The following ZBED6 variants were observed in gnomAD, a reference collection of about 807,000 sequenced individuals.
ZBED6 encodes zinc finger BED domain-containing protein 6.
In ZBED6, 40 loss-of-function variants were observed where a neutral mutation model predicts 58.4. The ratio of observed to expected loss-of-function variants is 0.68; its 90% CI spans 0.53 to 0.89. The LOEUF is 0.89. Ranked by LOEUF, ZBED6 falls within the 40% of genes least tolerant of loss-of-function variation. ZBED6 has a pLI of 0.00. For missense variants in ZBED6, 1,057 were observed against 1,003.9 expected, an observed-to-expected ratio of 1.05 and a Z score of -0.71; for synonymous variants, 439 against 350.6, an observed-to-expected ratio of 1.25 and a Z score of -2.82.
chr1:203,850,617 C>T (rs1486862882), exon 15 of ZBED6: 1 of 1,614,156 alleles, frequency 6.2e-7, no homozygotes, highest in South Asian at 1.1e-5. Flanking sequence ...GCTGTCATTG[C>T]CGCTGTGAAG....
At chr1:203,847,763 G>C in intron 12 of ZBED6, 76 bp downstream of exon 12, 1 of 1,534,650 alleles carries the variant, frequency 6.5e-7, no homozygotes, top group Non-Finnish European at 8.7e-7. Context: ...GATCTTCCTA[G>C]GAGTTGTTTG....
chr1:203,817,159 C>A, intron 2 of ZBED6, 35 bp downstream of exon 2: 1 of 1,536,268 alleles, frequency 6.5e-7, no homozygotes, highest in Non-Finnish European at 8.9e-7. Context: ...GTTCTTTCTA[C>A]AATTTGCTTA....
At position 203,852,130 on chromosome 1, in the gene ZBED6, T is replaced by C; in HGVS notation, c.*4874-11T>C. 1 of 1,613,286 alleles carries C rather than the reference T, an allele frequency of 6.2e-7. No homozygotes were observed. Among genetic ancestry groups the C allele is most frequent in the Non-Finnish European group, 8.5e-7 (1 of 1,179,760 alleles). On this transcript the variant is annotated splice_polypyrimidine_tract_variant and intron_variant, in intron 16 of 16. Coordinates refer to ENST00000550078, the Ensembl canonical transcript of ZBED6. Reference sequence around the variant, plus strand: ...AACGGCAGTTTTCTAATAATCTTTTTTTTCTTACAGTCTTGTGCTGCCTCC... The same window carrying C: ...AACGGCAGTTTTCTAATAATCTTTTCTTTCTTACAGTCTTGTGCTGCCTCC...
intron 1 of ZBED6, among the ~76,000 whole-genome samples, chr1:203,809,012 T>G (rs541026319): frequency 3.6e-4 from 55 of 151,888 alleles, no homozygotes; most frequent in Non-Finnish European, 1.2e-4. Context: ...GTATTTTTAG[T>G]AGAGACAGGA....
At chr1:203,837,101 C>T (rs548800368) in intron 9 of ZBED6, among the ~76,000 whole-genome samples, 1 of 152,068 alleles carries the variant, frequency 6.6e-6, no homozygotes, top group East Asian at 1.9e-4. Flanking sequence ...TCAAGACCAG[C>T]CTGGGCAACA....
At chr1:203,831,859 T>C (rs1682493533) in intron 8 of ZBED6, 88 bp downstream of exon 8, 1 of 1,116,248 alleles carries the variant, frequency 9.0e-7, no homozygotes, top group Non-Finnish European at 1.3e-6. Context: ...TTACCTTTGA[T>C]GAATTTTCAG....
chr1:203,805,423 G>A (rs575462646), intron 1 of ZBED6, among the ~76,000 whole-genome samples: 3 of 152,140 alleles, frequency 2.0e-5, no homozygotes, highest in Admixed American at 6.5e-5. Context: ...GAGCCACCGC[G>A]CCCTGCCAGA....
At chr1:203,847,992 G>A (rs925735108) in intron 12 of ZBED6, among the ~76,000 whole-genome samples, 5 of 152,036 alleles carry the variant, frequency 3.3e-5, no homozygotes, top group Non-Finnish European at 5.9e-5. Context: ...AGTAGCTGGG[G>A]CTACAGACAT....
chr1:203,838,353 A>G (rs887881301), intron 10 of ZBED6, among the ~76,000 whole-genome samples: 10 of 152,242 alleles, frequency 6.6e-5, no homozygotes, highest in Non-Finnish European at 1.3e-4. Context: ...TGTTATGGTA[A>G]CACATAGGAG....
intron 1 of ZBED6, among the ~76,000 whole-genome samples, chr1:203,812,277 CCTT>C (rs1674741210): frequency 6.6e-6 from 1 of 152,156 alleles, no homozygotes; most frequent in African/African-American, 2.4e-5. Context: ...CCTCCTCCCA[CCTT>C]CTACCTTCTG....
intron 3 of ZBED6, among the ~76,000 whole-genome samples, chr1:203,825,628 G>A (rs1680290298): frequency 6.6e-6 from 1 of 151,964 alleles, no homozygotes; most frequent in South Asian, 2.1e-4. Flanking sequence ...TAGAGACGGG[G>A]TTTCACCATA....
Position 203,800,274 on chromosome 1 carries a change from A to T in ZBED6, c.2752A>T (p.Ile918Phe), listed in dbSNP as rs1008931524. Residue 918 changes from isoleucine to phenylalanine, a missense_variant, in exon 1 of 17, where the codon ATC becomes TTC. Transcript: ENST00000550078. ...CATGTGTAGTTGGCAATCTGAATGT[A>T]TCTTTACTAAAAATAGCCACTTTCA... 4 of 1,026,070 alleles carry T rather than the reference A, an allele frequency of 3.9e-6. No individual in the cohort carries two copies. In the African/African-American group the frequency reaches 6.3e-5, roughly 16 times the overall value. The allele number at this position is 1,026,070 out of a possible 1,614,324, so 63.6% of individuals were successfully genotyped here.
intron 9 of ZBED6, among the ~76,000 whole-genome samples, chr1:203,834,889 C>T (rs1261221312): frequency 6.6e-6 from 1 of 152,224 alleles, no homozygotes; most frequent in African/African-American, 2.4e-5. Context: ...GGTGATCCAC[C>T]CGCCTCTGCC....
intron 11 of ZBED6, among the ~76,000 whole-genome samples, chr1:203,843,956 C>G (rs564187703): frequency 4.9e-4 from 74 of 150,288 alleles, no homozygotes; most frequent in African/African-American, 1.8e-3. Context: ...CTCCCAGGTT[C>G]AAGTGATTCT....
intron 11 of ZBED6, 96 bp downstream of exon 11, chr1:203,840,470 T>C: frequency 8.0e-7 from 1 of 1,256,416 alleles, no homozygotes; most frequent in Non-Finnish European, 1.1e-6. Context: ...CTAGGGCTTT[T>C]GATTTTTGTT....
chr1:203,849,691 T>C lies in ZBED6; in HGVS notation c.*4323-20T>C. On this transcript the variant is annotated intron_variant, in intron 13 of 16. Transcript: ENST00000550078. ...TTAGAGGTACCAGATTTTAATTCTG[T>C]CATTCAAATTTATCCACAGGCTTCA... 6.2e-7 allele frequency: 1 copy of C among 1,611,342 alleles called. No homozygotes were observed.
At chr1:203,833,384 A>C (rs1371744334) in intron 8 of ZBED6, among the ~76,000 whole-genome samples, 2 of 136,086 alleles carry the variant, frequency 1.5e-5, no homozygotes, top group East Asian at 2.0e-4. Flanking sequence ...AAAAAAAAAA[A>C]CACCAGGTGT....
intron 11 of ZBED6, among the ~76,000 whole-genome samples, chr1:203,846,115 C>CAAAAA (rs34793133): frequency 5.6e-5 from 3 of 53,150 alleles, no homozygotes; most frequent in African/African-American, 1.5e-4. Context: ...TCGTCTTTAC[C>CAAAAA]AAAAAAAAAA....
At chr1:203,819,012 T>G (rs1677297896) in intron 3 of ZBED6, among the ~76,000 whole-genome samples, 1 of 149,208 alleles carries the variant, frequency 6.7e-6, no homozygotes, top group Non-Finnish European at 1.5e-5. Flanking sequence ...GAGGTTGCAG[T>G]GAGCTGAGAT....
Sources: allele counts gnomAD v4.1 joint callset (sites outside exome capture counted in the v4.1 genomes callset), GRCh38; gene constraint gnomAD v4.1.1; transcripts MANE v1.5; gene names NCBI Gene and HGNC (gene_info 2026-07-23, HGNC 2026-07-21).